PEAK1: variants seen among roughly 807,000 people sequenced by gnomAD.
The protein encoded by PEAK1 is pseudopodium enriched atypical kinase 1.
PEAK1 carries 54 observed loss-of-function variants against 124.7 expected under a neutral mutation model. The observed-to-expected ratio is 0.43, with a 90% confidence interval of 0.35 to 0.54. The LOEUF (loss-of-function observed/expected upper bound fraction) is 0.54, where lower values mean the gene tolerates loss of function less well. Ranked by LOEUF, PEAK1 falls within the 20% of genes least tolerant of loss-of-function variation. PEAK1 has a pLI of 0.01. For synonymous variants in PEAK1, 719 were observed against 760.0 expected (o/e 0.95, Z 0.89); for missense variants, 2,046 against 2,134.5 (o/e 0.96, Z 0.82).
At chr15:77,381,962 G>C (rs543804709) in intron 1 of PEAK1, among the ~76,000 whole-genome samples, 90 of 152,178 alleles carry the variant, frequency 5.9e-4, no homozygotes, top group African/African-American at 2.0e-3. Context: ...CTAATGTCAG[G>C]GTTCTAAGAT....
At chr15:77,128,129 G>A (rs1430220672) in intron 9 of PEAK1, among the ~76,000 whole-genome samples, 1 of 151,842 alleles carries the variant, frequency 6.6e-6, no homozygotes, top group Non-Finnish European at 1.5e-5. Context: ...TACCAAGGGT[G>A]TGGCTAAACA....
chr15:77,272,099 C>G (rs1466645587), intron 5 of PEAK1, among the ~76,000 whole-genome samples: 2 of 152,092 alleles, frequency 1.3e-5, no homozygotes, highest in Non-Finnish European at 2.9e-5. Context: ...ATAAAAACCT[C>G]TGGGATAAGC....
chr15:77,252,409 G>A lies in PEAK1; in HGVS notation c.-157C>T. 1 of 985,246 alleles carries A rather than the reference G, an allele frequency of 1.0e-6. No homozygotes were observed. Among genetic ancestry groups the A allele is most frequent in the Non-Finnish European group, 1.2e-6 (1 of 829,854 alleles). The allele number at this position is 985,246 out of a possible 1,614,324, so 61.0% of individuals were successfully genotyped here. ...CTTCATTCATTCTGGTGACAAAGGT[G>A]GTTTTAGCAGCTAGCAAAACATTCC... On this transcript the variant is annotated 5_prime_UTR_variant, in exon 6 of 10. Coordinates refer to ENST00000682557, the MANE Select transcript of PEAK1 (RefSeq NM_001385026.1).
chr15:77,372,230 C>G (rs538771175), intron 1 of PEAK1, among the ~76,000 whole-genome samples: 30 of 152,134 alleles, frequency 2.0e-4, no homozygotes, highest in Non-Finnish European at 3.8e-4. Flanking sequence ...TTGAATTATT[C>G]AAGCATGTAC....
At chr15:77,355,233 T>C (rs2067448117) in intron 2 of PEAK1, among the ~76,000 whole-genome samples, 1 of 152,078 alleles carries the variant, frequency 6.6e-6, no homozygotes, top group African/African-American at 2.4e-5. Flanking sequence ...AGAGATACGA[T>C]TGACAGACAG....
In PEAK1 at chr15:77,294,818, GAAACT is replaced by G. The variant is rs370236525; in HGVS notation, c.-602-8319_-602-8315del. 7.7e-5 allele frequency among the ~76,000 whole-genome samples: 7 copies of G among 90,886 alleles called. No individual in the cohort carries two copies. The East Asian group carries it at 1.1e-3, about 14-fold the overall frequency. 59.6% of individuals were successfully genotyped at this position (90,886 alleles called of 152,430 possible). A position where few individuals can be genotyped will look rare whatever the true frequency, so the allele number is the denominator to read the frequency against. ...GATCTTTTTTCTTTCATTGCTATAGGAAACTAAACTAACTGAACTGATATTTATAC... is the reference window on the plus strand; with the variant it reads ...GATCTTTTTTCTTTCATTGCTATAGGAAACTAACTGAACTGATATTTATAC... On this transcript the variant is annotated intron_variant, in intron 2 of 9. Transcript: ENST00000682557.
rs140667321 is a variant in PEAK1, at chr15:77,138,818, T to C, written c.3332-5068A>G. Among the ~76,000 whole-genome samples the C allele has an allele frequency of 5.8e-3, 845 of 146,764 alleles. 5 individuals carry two copies. The highest frequency in any genetic ancestry group is 0.02 in the African/African-American group (788 of 39,768). ...CGGAGGTTGCAGTGAGCTGAGATCA[T>C]ACCACTGCACTCCAGCCTGGGTGAC... is the stretch of plus-strand genomic sequence containing the variant. On this transcript the variant is annotated intron_variant, in intron 8 of 9. Transcript: ENST00000682557.
At position 77,114,850 on chromosome 15, in the gene PEAK1, T is replaced by C; in HGVS notation, c.4547A>G (p.Asp1516Gly). ...HLKPYHVTHC[D>G]LRLENLLLVH... ...AAGTAGCAGGTTCTCTAGGCGTAGA[T>C]CGCAGTGAGTGACATGGTAGGGTTT... The change falls in exon 10 of 10, where the codon GAT becomes GGT. Residue 1516 changes from aspartate (D) to glycine (G), a missense_variant. Asp to Gly is a moderately conservative substitution (Grantham distance 94). Coordinates refer to ENST00000682557, the MANE Select transcript of PEAK1 (RefSeq NM_001385026.1). The C allele has an allele frequency of 6.2e-7, 1 of 1,613,542 alleles. No individual in the cohort carries two copies. Among genetic ancestry groups the C allele is most frequent in the Non-Finnish European group, 8.5e-7 (1 of 1,179,980 alleles).
chr15:77,138,154 C>G (rs2053488174), intron 8 of PEAK1, among the ~76,000 whole-genome samples: 1 of 152,194 alleles, frequency 6.6e-6, no homozygotes, highest in African/African-American at 2.4e-5. Flanking sequence ...ATTGCCCAGT[C>G]TTGGATATGA....
At chr15:77,212,634 T>C (rs1290137450) in intron 6 of PEAK1, among the ~76,000 whole-genome samples, 1 of 152,246 alleles carries the variant, frequency 6.6e-6, no homozygotes, top group Non-Finnish European at 1.5e-5. Flanking sequence ...TAAAGTTTGC[T>C]TGTTCCTATT....
At chr15:77,292,074 G>A (rs1316959833) in intron 2 of PEAK1, among the ~76,000 whole-genome samples, 1 of 151,614 alleles carries the variant, frequency 6.6e-6, no homozygotes, top group Non-Finnish European at 1.5e-5. Context: ...AGGGTTATTT[G>A]TAAAAGAGTA....
intron 2 of PEAK1, among the ~76,000 whole-genome samples, chr15:77,336,795 A>G (rs1200697792): frequency 6.6e-6 from 1 of 152,320 alleles, no homozygotes; most frequent in East Asian, 1.9e-4. Flanking sequence ...TACATGGATA[A>G]GAGTGTGTAC....
rs558369589 is a variant in PEAK1, at chr15:77,287,516, T to C, written c.-602-1012A>G. ...GATAAAGTTGTCCTCCTTTTAATAG[T>C]AATTAGGCAAAGACATAGAACTTCT... On this transcript the variant is annotated intron_variant, in intron 2 of 9. Coordinates refer to ENST00000682557, the MANE Select transcript of PEAK1 (RefSeq NM_001385026.1). Among the ~76,000 whole-genome samples, 12 of 152,342 alleles carry C rather than the reference T, an allele frequency of 7.9e-5. No homozygotes were observed. The South Asian group carries it at 2.5e-3, about 32-fold the overall frequency.
chr15:77,133,043 A>G lies in PEAK1; in HGVS notation c.4039T>C (p.Ser1347Pro). 6.2e-7 allele frequency: 1 copy of G among 1,613,524 alleles called. No individual in the cohort carries two copies. ...TTATTAAGTGGATCTTTTGCATATG[A>G]AGCAGTATAGTAAACCGCATCACCT... is the stretch of plus-strand genomic sequence containing the variant. ...EAGDAVYYTA[S>P]YAKDPLNNYA... Residue 1347 changes from serine (S) to proline (P), a missense_variant, in exon 9 of 10, where the codon TCA (serine) becomes CCA (proline). Physicochemically the swap from Ser to Pro is moderately conservative, Grantham distance 74 (BLOSUM62 -1). Transcript: ENST00000682557. The surrounding 1 kb of genome is among the most constrained non-coding windows in gnomAD (Gnocchi z 4.2).
chr15:77,247,334 T>G (rs1227998989), intron 6 of PEAK1, among the ~76,000 whole-genome samples: 1 of 152,138 alleles, frequency 6.6e-6, no homozygotes, highest in African/African-American at 2.4e-5. Flanking sequence ...CTATGATAGT[T>G]ATCTTTGCCC....
At chr15:77,293,517 T>C (rs1458721478) in intron 2 of PEAK1, among the ~76,000 whole-genome samples, 2 of 152,236 alleles carry the variant, frequency 1.3e-5, no homozygotes, top group Non-Finnish European at 2.9e-5. Flanking sequence ...CTTTCCATTC[T>C]CTACTTGACC....
At chr15:77,418,030 C>T (rs772894631) in intron 1 of PEAK1, 87 of 979,668 alleles carry the variant, frequency 8.9e-5, no homozygotes, top group East Asian at 1.1e-4. Flanking sequence ...ATGTGATTGT[C>T]GGCAAACAGT....
In PEAK1 at chr15:77,180,716, T is replaced by C; in HGVS notation, c.1211A>G (p.Lys404Arg). The change falls in exon 7 of 10, where the codon AAA becomes AGA. Residue 404 changes from lysine (K) to arginine (R), a missense_variant. Transcript: ENST00000682557. ...GGTCTCTGGAACTTTTATTGAGCTTTTGGAAGCCTGTGATGAATCTTTATC... is the reference window on the plus strand; with the variant it reads ...GGTCTCTGGAACTTTTATTGAGCTTCTGGAAGCCTGTGATGAATCTTTATC... ...NQDKDSSQASKSSIKVPETHK... is the reference protein window; with the variant it reads ...NQDKDSSQASRSSIKVPETHK... 6.2e-7 allele frequency: 1 copy of C among 1,613,994 alleles called. No individual in the cohort carries two copies. Among genetic ancestry groups the C allele is most frequent in the Non-Finnish European group, 8.5e-7 (1 of 1,179,958 alleles).
At chr15:77,330,202 C>A (rs1417587273) in intron 2 of PEAK1, among the ~76,000 whole-genome samples, 1 of 152,006 alleles carries the variant, frequency 6.6e-6, no homozygotes, top group African/African-American at 2.4e-5. Context: ...TAACTATTGA[C>A]ATGTTGATGT....
Sources: allele counts gnomAD v4.1 joint callset (sites outside exome capture counted in the v4.1 genomes callset), GRCh38; gene constraint gnomAD v4.1.1; non-coding constraint Gnocchi (gnomAD v3.1); transcripts MANE v1.5; gene names NCBI Gene and HGNC (gene_info 2026-07-23, HGNC 2026-07-21).